Variants in SMIM36 observed in about 807,000 individuals in gnomAD.
The protein encoded by SMIM36 is small integral membrane protein 36.
chr17:55,518,212 C>T, the SMIM36 span, among the ~76,000 whole-genome samples: 1 of 152,186 alleles, frequency 6.6e-6, no homozygotes, highest in Non-Finnish European at 1.5e-5. Flanking sequence ...GAGAGCAGAG[C>T]AGGACAGGGT....
chr17:55,480,356 G>A (rs996363035), intron 1 of SMIM36, among the ~76,000 whole-genome samples: 2 of 152,120 alleles, frequency 1.3e-5, no homozygotes, highest in African/African-American at 4.8e-5. Context: ...AATCAAACCT[G>A]GGTGTGATCA....
intron 3 of SMIM36, among the ~76,000 whole-genome samples, chr17:55,476,720 C>A (rs1909433662): frequency 6.6e-6 from 1 of 152,146 alleles, no homozygotes; most frequent in African/African-American, 2.4e-5. Context: ...CACATGCCAC[C>A]ACACCTGGCT....
intron 4 of SMIM36, among the ~76,000 whole-genome samples, chr17:55,463,275 C>T (rs1051919425): frequency 2.0e-5 from 3 of 151,948 alleles, no homozygotes; most frequent in Admixed American, 6.6e-5. Flanking sequence ...ATAATAAGGC[C>T]GGACACGGTG....
intron 3 of SMIM36, among the ~76,000 whole-genome samples, chr17:55,475,145 T>C (rs936986056): frequency 2.0e-5 from 3 of 152,130 alleles, no homozygotes; most frequent in Non-Finnish European, 4.4e-5. Context: ...TCATCCCTAC[T>C]ATCTTCTGTC....
intron 4 of SMIM36, among the ~76,000 whole-genome samples, chr17:55,453,594 T>C (rs1343335722): frequency 6.6e-6 from 1 of 152,182 alleles, no homozygotes; most frequent in Non-Finnish European, 1.5e-5. Context: ...AGTGCACATA[T>C]CATTGGTGTA....
intron 4 of SMIM36, among the ~76,000 whole-genome samples, chr17:55,451,784 C>A (rs1908923115): frequency 6.6e-6 from 1 of 152,052 alleles, no homozygotes; most frequent in Non-Finnish European, 1.5e-5. Flanking sequence ...ATATCAAAGT[C>A]TCTGAAAAAT....
intron 1 of SMIM36, among the ~76,000 whole-genome samples, chr17:55,498,208 C>T (rs72840447): frequency 0.019 from 2,908 of 152,294 alleles, 70 homozygotes; most frequent in Non-Finnish European, 0.024. Context: ...CCACCATACT[C>T]CAGTGTGACC....
At chr17:55,517,337 G>A in the SMIM36 span, among the ~76,000 whole-genome samples, 38 of 152,310 alleles carry the variant, frequency 2.5e-4, no homozygotes, top group African/African-American at 9.1e-4. Flanking sequence ...GATCATCTGA[G>A]GTCAGGAGTT....
intron 1 of SMIM36, among the ~76,000 whole-genome samples, chr17:55,497,268 A>T (rs1909826250): frequency 6.6e-6 from 1 of 151,550 alleles, no homozygotes; most frequent in South Asian, 2.1e-4. Flanking sequence ...TTATTTATTT[A>T]TTATTTATTT....
At chr17:55,478,215 G>A (rs1025982551) in intron 3 of SMIM36, among the ~76,000 whole-genome samples, 1 of 150,854 alleles carries the variant, frequency 6.6e-6, no homozygotes, top group East Asian at 1.9e-4. Flanking sequence ...AGTACCTGTT[G>A]TTACGTTGTG....
chr17:55,501,888 G>C (rs551239575), intron 1 of SMIM36, among the ~76,000 whole-genome samples: 1 of 84,120 alleles, frequency 1.2e-5, no homozygotes, highest in Non-Finnish European at 2.2e-5. Flanking sequence ...TGCGCGAGCC[G>C]AAGCAAGGCA....
At chr17:55,503,917 T>C (rs1910038364) in intron 1 of SMIM36, among the ~76,000 whole-genome samples, 4 of 128,122 alleles carry the variant, frequency 3.1e-5, no homozygotes. Context: ...AAGGCAGGGG[T>C]TGCAATCCTA....
chr17:55,459,218 A>C (rs1422905914), intron 4 of SMIM36, among the ~76,000 whole-genome samples: 3 of 152,202 alleles, frequency 2.0e-5, no homozygotes, highest in African/African-American at 7.2e-5. Flanking sequence ...ATTTCAGAAT[A>C]AGAAGTTGAC....
At chr17:55,488,683 T>C (rs1211467231) in intron 1 of SMIM36, among the ~76,000 whole-genome samples, 1 of 152,242 alleles carries the variant, frequency 6.6e-6, no homozygotes, top group Non-Finnish European at 1.5e-5. Flanking sequence ...TTTTTGAACA[T>C]TTAGCTTGTC....
chr17:55,531,612 C>T, the SMIM36 span, among the ~76,000 whole-genome samples: 27,750 of 152,132 alleles, frequency 0.18, 2,951 homozygotes, highest in East Asian at 0.25. Context: ...TATTGGCTGA[C>T]GTACCGAAAG....
chr17:55,473,374 G>C (rs1364860872), intron 3 of SMIM36, among the ~76,000 whole-genome samples: 1 of 152,120 alleles, frequency 6.6e-6, no homozygotes, highest in Non-Finnish European at 1.5e-5. Context: ...TGTTTGGATC[G>C]ACACCTCCAC....
chr17:55,485,568 C>T (rs941772839), intron 1 of SMIM36, among the ~76,000 whole-genome samples: 8 of 151,932 alleles, frequency 5.3e-5, no homozygotes, highest in Admixed American at 6.6e-5. Context: ...GGATTACAGG[C>T]GTGAGCCACT....
At chr17:55,493,641 C>G (rs900139477) in intron 1 of SMIM36, among the ~76,000 whole-genome samples, 3 of 151,116 alleles carry the variant, frequency 2.0e-5, no homozygotes, top group Admixed American at 6.6e-5. Context: ...GAAACCCCAT[C>G]TCTACAAAAA....
the SMIM36 span, among the ~76,000 whole-genome samples, chr17:55,528,340 T>C: frequency 3.3e-5 from 5 of 152,056 alleles, no homozygotes; most frequent in African/African-American, 9.7e-5. Flanking sequence ...GAAGTTCTTT[T>C]TTTTCAATTT....
Sources: gnomAD v4.1 joint callset for allele counts (sites outside exome capture counted in the v4.1 genomes callset) on GRCh38, gnomAD v4.1.1 for gene constraint, MANE v1.5 for transcripts, NCBI Gene and HGNC (gene_info 2026-07-23, HGNC 2026-07-21) for gene names.